The following MYO18B variants were observed in gnomAD, a reference collection of about 807,000 sequenced individuals.
The protein encoded by MYO18B is myosin XVIIIB, also known as unconventional myosin-XVIIIb.
Under a neutral mutation model 273.0 loss-of-function variants are expected in MYO18B, and 204 were observed. The observed-to-expected ratio is 0.75, with a 90% CI of 0.67 to 0.84. MYO18B has a LOEUF of 0.84. Ranked by LOEUF, MYO18B falls within the 40% of genes least tolerant of loss-of-function variation. MYO18B has a pLI of 0.00. For missense variants in MYO18B, 3,212 were observed against 3,287.6 expected, an observed-to-expected ratio of 0.98 and a Z score of 0.56; for synonymous variants, 1,330 against 1,305.7, an observed-to-expected ratio of 1.02 and a Z score of -0.40.
At chr22:25,910,561 T>C (rs753051041) in intron 32 of MYO18B, among the ~76,000 whole-genome samples, 1 of 152,184 alleles carries the variant, frequency 6.6e-6, no homozygotes, top group Non-Finnish European at 1.5e-5. Context: ...TATTTAATAA[T>C]GGAGGGGATG....
At chr22:26,046,392 GTGGGGCACCATGACAGA>G in the MYO18B span, among the ~76,000 whole-genome samples, 1 of 152,322 alleles carries the variant, frequency 6.6e-6, no homozygotes, top group Middle Eastern at 3.4e-3. Context: ...TTTTTCTAAA[GTGGGGCACCATGACAGA>G]TGTGAAAGCC....
rs1168232145 is a variant in MYO18B at position 25,952,313 on chromosome 22, T to A, written c.5860T>A (p.Tyr1954Asn). The A allele has an allele frequency of 2.5e-6, 4 of 1,611,028 alleles. No homozygotes were observed. The highest frequency in any genetic ancestry group is 2.5e-6 in the Non-Finnish European group (3 of 1,178,788). ...GCAGGTGGCTCAGATGCGCATCGAG[T>A]ACCTGGAACAGTCCACCGTGGATCG... ...QLQVAQMRIE[Y>N]LEQSTVDRAI... The change falls in exon 38 of 44, where the codon TAC becomes AAC. Residue 1954 changes from tyrosine to asparagine, a missense_variant. By Grantham distance (143) the Tyr-to-Asn change is moderately radical (BLOSUM62 -2). Coordinates refer to ENST00000335473, the MANE Select transcript of MYO18B (RefSeq NM_032608.7).
rs2146236973 is a variant in MYO18B at position 25,883,983 on chromosome 22, C to T, written c.4314+5935C>T. ...TGGAAGCACCTGTAAGGTTTTGGGA[C>T]CACATGGGATATAAAATGAGGTGGG... is the stretch of plus-strand genomic sequence containing the variant. On this transcript the variant is annotated intron_variant, in intron 25 of 43. Transcript: ENST00000335473. This position sits in a 1 kb window ranked among gnomAD's most constrained non-coding sequence, Gnocchi z 7.6. Among the ~76,000 whole-genome samples the T allele has an allele frequency of 6.6e-6, 1 of 152,164 alleles. No individual in the cohort carries two copies. The highest frequency in any genetic ancestry group is 2.1e-4 in the South Asian group (1 of 4,818).
intron 15 of MYO18B, among the ~76,000 whole-genome samples, chr22:25,829,462 ACT>A (rs1395620358): frequency 2.7e-5 from 4 of 150,774 alleles, no homozygotes; most frequent in South Asian, 4.2e-4. Context: ...CCTGAGAGAA[ACT>A]CTGTGTGTGA....
At chr22:25,920,578 A>G (rs2092326339) in intron 33 of MYO18B, among the ~76,000 whole-genome samples, 1 of 152,184 alleles carries the variant, frequency 6.6e-6, no homozygotes, top group Non-Finnish European at 1.5e-5. Context: ...ACCTCTGGGT[A>G]AGGTTCCTCT....
intron 11 of MYO18B, among the ~76,000 whole-genome samples, chr22:25,787,093 T>C (rs1459483654): frequency 8.5e-5 from 13 of 152,054 alleles, no homozygotes; most frequent in African/African-American, 3.1e-4. Context: ...CACATGCCTG[T>C]AGTTCCAGCT....
intron 20 of MYO18B, among the ~76,000 whole-genome samples, chr22:25,850,587 T>C (rs1296389125): frequency 1.3e-5 from 2 of 152,196 alleles, no homozygotes; most frequent in Non-Finnish European, 2.9e-5. Context: ...ATAATTTTTT[T>C]TCTTTTTTGG....
chr22:25,894,770 T>C (rs9968045), intron 27 of MYO18B: 3,226 of 158,654 alleles, frequency 0.02, 110 homozygotes, highest in African/African-American at 0.074. Flanking sequence ...AATCTGCTTG[T>C]AGGGAACTCT....
At chr22:25,851,319 A>G in intron 20 of MYO18B, 151 bp from the exon 21 acceptor site, 1 of 608,486 alleles carries the variant, frequency 1.6e-6, no homozygotes, top group Non-Finnish European at 2.9e-6. Context: ...CAAATGGAGA[A>G]ACTAAGGTCC....
intron 29 of MYO18B, among the ~76,000 whole-genome samples, chr22:25,902,066 G>A (rs1346376730): frequency 6.6e-6 from 1 of 152,084 alleles, no homozygotes; most frequent in Non-Finnish European, 1.5e-5. Flanking sequence ...TTTAACTCCT[G>A]GCCCCAAGTG....
At chr22:25,832,787 A>G (rs1258759709) in intron 15 of MYO18B, 130 bp from the exon 16 acceptor site, 2 of 687,322 alleles carry the variant, frequency 2.9e-6, no homozygotes, top group Non-Finnish European at 4.6e-6. Flanking sequence ...TTTTGCCAAA[A>G]TTTAAAAAAA....
At chr22:25,954,976 C>G (rs1441238890) in intron 38 of MYO18B, among the ~76,000 whole-genome samples, 2 of 152,204 alleles carry the variant, frequency 1.3e-5, no homozygotes, top group African/African-American at 4.8e-5. Context: ...TCCCAAAGTG[C>G]TGGGATTACA....
chr22:25,990,347 C>T (rs2093251645), intron 39 of MYO18B, among the ~76,000 whole-genome samples: 1 of 152,054 alleles, frequency 6.6e-6, no homozygotes, highest in Non-Finnish European at 1.5e-5. Flanking sequence ...CCTGAGTGAC[C>T]TCGCTGACTG....
chr22:25,909,877 A>G (rs2092121815), intron 32 of MYO18B, among the ~76,000 whole-genome samples: 1 of 152,152 alleles, frequency 6.6e-6, no homozygotes, highest in Non-Finnish European at 1.5e-5. Flanking sequence ...AGGAGAGAGG[A>G]CACTAACTCC....
intron 43 of MYO18B, among the ~76,000 whole-genome samples, chr22:26,029,422 A>G (rs1444567245): frequency 6.6e-6 from 1 of 152,114 alleles, no homozygotes; most frequent in Non-Finnish European, 1.5e-5. Flanking sequence ...TTGACTTAAC[A>G]TGGCCTTCTC....
chr22:25,770,933 G>C lies in MYO18B; in HGVS notation c.1641G>C (p.Trp547Cys), dbSNP rs3859866. 0.98 allele frequency: 1,518,645 copies of C among 1,552,200 alleles called. 743,494 individuals carry two copies. Among genetic ancestry groups the C allele is most frequent in the Non-Finnish European group, 0.99 (1,132,590 of 1,147,208 alleles). The change falls in exon 6 of 44, where the codon TGG becomes TGC. Residue 547 changes from tryptophan (W) to cysteine (C), a missense_variant. Transcript: ENST00000335473. ...ADLPAGRVRL[W>C]IDADKTITEV... is the part of the protein sequence containing the mutation. ...TGCCAGCAGGAAGGGTGAGACTTTG[G>C]ATTGATGCTGACAAAACCATCACTG...
intron 25 of MYO18B, among the ~76,000 whole-genome samples, chr22:25,885,944 G>A (rs894926055): frequency 6.6e-6 from 1 of 152,180 alleles, no homozygotes; most frequent in African/African-American, 2.4e-5. Context: ...CTGACATCCA[G>A]AGCCTATAGA....
In MYO18B at chr22:26,026,782, C is replaced by T; in HGVS notation, c.6808C>T (p.Leu2270=). ...AGCCCAGAGAGGCCAGGGGTCCACG[C>T]TGGGCCTAGAGGACTGGCCCACTCT... The part of the protein sequence containing the change: ...KRAQRGQGST[L]GLEDWPTLPI... Residue 2270 remains leucine (L), a synonymous_variant, in exon 43 of 44, where the codon CTG becomes TTG. Coordinates refer to ENST00000335473, the MANE Select transcript of MYO18B (RefSeq NM_032608.7). 1 of 1,606,836 alleles carries T rather than the reference C, an allele frequency of 6.2e-7. No homozygotes were observed. The highest frequency in any genetic ancestry group is 8.5e-7 in the Non-Finnish European group (1 of 1,176,730).
At chr22:25,802,585 T>TAA (rs949982420) in intron 12 of MYO18B, among the ~76,000 whole-genome samples, 3 of 149,550 alleles carry the variant, frequency 2.0e-5, no homozygotes, top group African/African-American at 4.9e-5. Flanking sequence ...TCATCTCTAC[T>TAA]AAAAAAAAAT....
Sources: allele counts gnomAD v4.1 joint callset (sites outside exome capture counted in the v4.1 genomes callset), GRCh38; gene constraint gnomAD v4.1.1; non-coding constraint Gnocchi (gnomAD v3.1); transcripts MANE v1.5; gene names NCBI Gene and HGNC (gene_info 2026-07-23, HGNC 2026-07-21).